The following ANOS1 variants were observed in gnomAD, a reference collection of about 807,000 sequenced individuals.
The protein encoded by ANOS1 is anosmin-1.
In ANOS1, 6 loss-of-function variants were observed where a neutral mutation model predicts 59.0. The observed-to-expected ratio is 0.10, with a 90% CI of 0.06 to 0.20. ANOS1 has a LOEUF of 0.20. Ranked by LOEUF, ANOS1 falls within the 10% of genes least tolerant of loss-of-function variation. The probability of loss-of-function intolerance (pLI) is 1.00; values close to 1 mark genes in which losing one functional copy is unlikely to be tolerated. For missense variants in ANOS1, 433 were observed against 542.3 expected (o/e 0.80, Z 2.00); for synonymous variants, 217 against 223.4 (o/e 0.97, Z 0.25).
chrX:8,650,815 T>C (rs939232525), intron 2 of ANOS1, among the ~76,000 whole-genome samples: 2 of 112,261 alleles, frequency 1.8e-5, no homozygotes, highest in Non-Finnish European at 3.8e-5. Flanking sequence ...AGGAGAGGTG[T>C]AGACAGGGGG....
chrX:8,627,394 T>G (rs1931414374), intron 2 of ANOS1, among the ~76,000 whole-genome samples: 1 of 111,978 alleles, frequency 8.9e-6, no homozygotes, highest in South Asian at 3.7e-4. Context: ...AAACAAATAC[T>G]ATTTACAAAA....
chrX:8,656,645 T>TG (rs1931935326), intron 2 of ANOS1, among the ~76,000 whole-genome samples: 2 of 111,740 alleles, frequency 1.8e-5, no homozygotes, highest in Admixed American at 1.9e-4. Context: ...CTCTACAAAT[T>TG]GGTTCTTCCC....
At chrX:8,625,646 T>C (rs765763057) in intron 2 of ANOS1, among the ~76,000 whole-genome samples, 62 of 111,853 alleles carry the variant, frequency 5.5e-4, no homozygotes, top group African/African-American at 1.8e-3. Flanking sequence ...TTTATAACAA[T>C]AATGCTCAAA....
chrX:8,542,854 C>G (rs1168119350), intron 9 of ANOS1, among the ~76,000 whole-genome samples: 1 of 107,356 alleles, frequency 9.3e-6, no homozygotes, highest in Non-Finnish European at 1.9e-5. Context: ...ATATCCCCAT[C>G]TCAAGGTTGG....
At chrX:8,696,390 A>G (rs12007557) in intron 2 of ANOS1, among the ~76,000 whole-genome samples, 14,519 of 112,060 alleles carry the variant, frequency 0.13, 1,629 homozygotes, top group African/African-American at 0.37. Flanking sequence ...GATGTTTAAC[A>G]CAAGGTGACA....
intron 8 of ANOS1, among the ~76,000 whole-genome samples, chrX:8,561,392 C>T (rs371686106): frequency 9.1e-6 from 1 of 109,404 alleles, no homozygotes; most frequent in Non-Finnish European, 1.9e-5. Flanking sequence ...CTCTGCCTCC[C>T]GAGTTCATGC....
intron 4 of ANOS1, among the ~76,000 whole-genome samples, chrX:8,592,756 G>A (rs915290438): frequency 1.8e-5 from 2 of 111,772 alleles, no homozygotes; most frequent in African/African-American, 6.5e-5. Flanking sequence ...GCATTTCATA[G>A]AACTAGTACC....
intron 1 of ANOS1, among the ~76,000 whole-genome samples, chrX:8,711,521 T>C (rs1339675274): frequency 8.9e-6 from 1 of 112,841 alleles, no homozygotes; most frequent in East Asian, 2.8e-4. Context: ...GAATAATGTC[T>C]TTACAAGATA....
chrX:8,568,117 G>T, intron 8 of ANOS1, 115 bp downstream of exon 8: 1 of 750,171 alleles, frequency 1.3e-6, no homozygotes, highest in Non-Finnish European at 2.0e-6. Flanking sequence ...TGGGTAAGAA[G>T]ATTTGCCATA....
chrX:8,567,285 CT>C (rs1394526199), intron 8 of ANOS1, among the ~76,000 whole-genome samples: 6 of 111,826 alleles, frequency 5.4e-5, no homozygotes, highest in Non-Finnish European at 1.1e-4. Flanking sequence ...GATTTAGTAA[CT>C]TCACTCAATG....
At chrX:8,679,071 C>T (rs961047846) in intron 2 of ANOS1, among the ~76,000 whole-genome samples, 5 of 111,228 alleles carry the variant, frequency 4.5e-5, no homozygotes, top group African/African-American at 1.6e-4. Context: ...ACTTTAATTA[C>T]AAAACAGAAA....
chrX:8,697,798 T>A (rs1027381605), intron 2 of ANOS1, among the ~76,000 whole-genome samples: 2 of 111,962 alleles, frequency 1.8e-5, no homozygotes, highest in African/African-American at 6.5e-5. Context: ...AAGACAGGGA[T>A]GTATATGTCT....
intron 5 of ANOS1, 38 bp from the exon 6 acceptor site, chrX:8,585,434 C>G (rs1163319486): frequency 1.7e-6 from 2 of 1,201,488 alleles, no homozygotes; most frequent in Non-Finnish European, 2.3e-6. Flanking sequence ...GAACATGTCA[C>G]TTTTTATTCC....
chrX:8,572,966 C>T (rs1359429454), intron 6 of ANOS1, among the ~76,000 whole-genome samples: 2 of 110,634 alleles, frequency 1.8e-5, no homozygotes, highest in Admixed American at 9.6e-5. Flanking sequence ...GTGAGGACTC[C>T]CCCAGTCATC....
At chrX:8,678,095 T>C (rs1395083118) in intron 2 of ANOS1, among the ~76,000 whole-genome samples, 1 of 112,325 alleles carries the variant, frequency 8.9e-6, no homozygotes. Flanking sequence ...AGACCTGCGC[T>C]GATGGTTTCT....
At chrX:8,591,861 T>G (rs780699114) in intron 4 of ANOS1, among the ~76,000 whole-genome samples, 4 of 112,660 alleles carry the variant, frequency 3.6e-5, no homozygotes, top group Non-Finnish European at 7.5e-5. Context: ...TTTTTTATTA[T>G]GTAAATGATT....
At chrX:8,656,785 C>A (rs757197622) in intron 2 of ANOS1, among the ~76,000 whole-genome samples, 1 of 111,149 alleles carries the variant, frequency 9.0e-6, no homozygotes, top group East Asian at 2.9e-4. Context: ...TTGGCGTTCA[C>A]CCTCAGATGA....
At chrX:8,677,239 GCCCCCA>G (rs1422025632) in intron 2 of ANOS1, among the ~76,000 whole-genome samples, 1 of 111,003 alleles carries the variant, frequency 9.0e-6, no homozygotes, top group Non-Finnish European at 1.9e-5. Context: ...ATCCCTGACC[GCCCCCA>G]CTAGATACCA....
chrX:8,732,136 C>G lies in ANOS1; in HGVS notation c.-100G>C, dbSNP rs776294867. 2.7e-4 allele frequency: 177 copies of G among 652,707 alleles called. No individual in the cohort carries two copies. In the African/African-American group the frequency reaches 3.5e-3, roughly 13 times the overall value. The allele number at this position is 652,707 out of a possible 1,213,427, so 53.8% of individuals were successfully genotyped here. On this transcript the variant is annotated 5_prime_UTR_variant, in exon 1 of 14. Transcript: ENST00000262648. ...GCTGAGGACCAGGCAGACGCCGCGACTGAGCCGGAAAGTTCAATCCTTCAA... is the reference window on the plus strand; with the variant it reads ...GCTGAGGACCAGGCAGACGCCGCGAGTGAGCCGGAAAGTTCAATCCTTCAA...
Sources: gnomAD v4.1 joint callset for allele counts (sites outside exome capture counted in the v4.1 genomes callset) on GRCh38, gnomAD v4.1.1 for gene constraint, MANE v1.5 for transcripts, NCBI Gene and HGNC (gene_info 2026-07-23, HGNC 2026-07-21) for gene names.